The following GRIN2B variants were observed in gnomAD, a reference collection of about 807,000 sequenced individuals.
GRIN2B encodes glutamate ionotropic receptor NMDA type subunit 2B.
In GRIN2B, 5 loss-of-function variants were observed where a neutral mutation model predicts 114.5. The observed-to-expected ratio is 0.04, with a 90% CI of 0.02 to 0.09. The LOEUF is 0.09. Ranked by LOEUF, GRIN2B falls within the 10% of genes least tolerant of loss-of-function variation. GRIN2B has a pLI of 1.00. For missense variants in GRIN2B, 1,108 were observed against 1,943.5 expected, an observed-to-expected ratio of 0.57 and a Z score of 8.08; for synonymous variants, 787 against 745.1, an observed-to-expected ratio of 1.06 and a Z score of -0.92.
intron 4 of GRIN2B, among the ~76,000 whole-genome samples, chr12:13,685,267 A>C (rs185106208): frequency 1.2e-3 from 183 of 152,294 alleles, no homozygotes; most frequent in African/African-American, 4.1e-3. Context: ...TTCCTGCCCC[A>C]TCTGTAGCTA....
At chr12:13,831,114 C>A (rs951016711) in intron 3 of GRIN2B, among the ~76,000 whole-genome samples, 5 of 152,294 alleles carry the variant, frequency 3.3e-5, no homozygotes, top group Admixed American at 3.3e-4. Flanking sequence ...CGCTCTCCCA[C>A]CTCGTGGTCT....
chr12:13,894,682 T>C (rs1866326405), intron 2 of GRIN2B, among the ~76,000 whole-genome samples: 1 of 152,164 alleles, frequency 6.6e-6, no homozygotes, highest in South Asian at 2.1e-4. Context: ...TGTTAAACAT[T>C]GCTTAAGTAT....
intron 3 of GRIN2B, among the ~76,000 whole-genome samples, chr12:13,844,262 C>T (rs1228823013): frequency 2.0e-5 from 3 of 152,140 alleles, no homozygotes; most frequent in Non-Finnish European, 4.4e-5. Flanking sequence ...GAGGTTTAAT[C>T]CTTCTCCTTA....
intron 4 of GRIN2B, among the ~76,000 whole-genome samples, chr12:13,676,539 G>A (rs745388399): frequency 5.3e-5 from 8 of 152,052 alleles, no homozygotes; most frequent in Non-Finnish European, 1.0e-4. Context: ...TTACCATGCG[G>A]CCTGGTGCAT....
chr12:13,715,916 T>C (rs961612761), intron 4 of GRIN2B, among the ~76,000 whole-genome samples: 1 of 151,968 alleles, frequency 6.6e-6, no homozygotes, highest in Admixed American at 6.6e-5. Flanking sequence ...TTTATCTCTA[T>C]GGGATGTGGT....
rs1241649965 is a variant in GRIN2B at position 13,541,506 on chromosome 12, G to T, written c.*21277C>A. ...AGAGGTCATGACAAAACCATCCCTG[G>T]CTTCCTTTGCTTCCCTCTTCCTTCC... On this transcript the variant is annotated 3_prime_UTR_variant, in exon 14 of 14. Coordinates refer to ENST00000609686, the MANE Select transcript of GRIN2B (RefSeq NM_000834.5). 1 of 152,194 alleles carries T rather than the reference G, an allele frequency of 6.6e-6. No homozygotes were observed. Among genetic ancestry groups the T allele is most frequent in the Non-Finnish European group, 1.5e-5 (1 of 68,066 alleles). The allele number at this position is 152,194 out of a possible 1,614,324, so 9.4% of individuals were successfully genotyped here. A position where few individuals can be genotyped will look rare whatever the true frequency, so the allele number is the denominator to read the frequency against.
At chr12:13,903,122 C>A (rs906396518) in intron 2 of GRIN2B, among the ~76,000 whole-genome samples, 1 of 151,468 alleles carries the variant, frequency 6.6e-6, no homozygotes, top group African/African-American at 2.4e-5. Flanking sequence ...CCATTTGTAC[C>A]TTATATTATT....
chr12:13,675,917 G>A, intron 4 of GRIN2B, 58 bp from the exon 5 acceptor site: 1 of 945,732 alleles, frequency 1.1e-6, no homozygotes, highest in Non-Finnish European at 1.7e-6. Context: ...CCATGAACAA[G>A]GCAGTCAGGT....
intron 10 of GRIN2B, among the ~76,000 whole-genome samples, chr12:13,575,763 G>C (rs1948768518): frequency 1.3e-5 from 2 of 152,038 alleles, no homozygotes; most frequent in Admixed American, 1.3e-4. Context: ...TGGAGGCAGA[G>C]AATTTGGATT....
chr12:13,815,559 T>A (rs1410017757), intron 3 of GRIN2B, among the ~76,000 whole-genome samples: 1 of 152,090 alleles, frequency 6.6e-6, no homozygotes, highest in Non-Finnish European at 1.5e-5. Flanking sequence ...TAGAAAAACT[T>A]GAAGAGACTA....
At chr12:13,976,501 C>T (rs943034493) in intron 2 of GRIN2B, among the ~76,000 whole-genome samples, 5 of 152,074 alleles carry the variant, frequency 3.3e-5, no homozygotes, top group African/African-American at 1.2e-4. Flanking sequence ...TTTTGTCGGC[C>T]CCAGTCTTCA....
At chr12:13,749,001 G>A (rs138417755) in intron 4 of GRIN2B, among the ~76,000 whole-genome samples, 12 of 152,128 alleles carry the variant, frequency 7.9e-5, no homozygotes, top group African/African-American at 2.7e-4. Flanking sequence ...CCTCCTCCAG[G>A]CAACCCAGAA....
chr12:13,905,501 T>C (rs1010108555), intron 2 of GRIN2B, among the ~76,000 whole-genome samples: 2 of 152,252 alleles, frequency 1.3e-5, no homozygotes, highest in Non-Finnish European at 2.9e-5. Context: ...TTTCATACTA[T>C]ATGCCAATAA....
At chr12:13,873,607 C>T (rs1865947190) in intron 2 of GRIN2B, among the ~76,000 whole-genome samples, 1 of 152,188 alleles carries the variant, frequency 6.6e-6, no homozygotes, top group South Asian at 2.1e-4. Context: ...CTTTTGAGCT[C>T]CCTTGCCCTG....
intron 2 of GRIN2B, among the ~76,000 whole-genome samples, chr12:13,899,632 A>C (rs1397511441): frequency 6.9e-6 from 1 of 144,092 alleles, no homozygotes; most frequent in Non-Finnish European, 1.6e-5. Context: ...ATTTAAACCA[A>C]ATAATTCATT....
At chr12:13,842,917 C>CTTTTTTTTTTTTTTTTTTT (rs201344138) in intron 3 of GRIN2B, among the ~76,000 whole-genome samples, 1 of 103,220 alleles carries the variant, frequency 9.7e-6, no homozygotes, top group African/African-American at 3.5e-5. Context: ...ATTGGTTTTT[C>CTTTTTTTTTTTTTTTTTTT]TTTTTTTTTT....
intron 3 of GRIN2B, among the ~76,000 whole-genome samples, chr12:13,780,456 C>T (rs1864087743): frequency 6.6e-6 from 1 of 152,160 alleles, no homozygotes; most frequent in East Asian, 1.9e-4. Context: ...ATATCCATTC[C>T]CAACCATGGC....
chr12:13,643,368 A>T (rs1949737477), intron 5 of GRIN2B, among the ~76,000 whole-genome samples: 1 of 152,184 alleles, frequency 6.6e-6, no homozygotes, highest in Non-Finnish European at 1.5e-5. Flanking sequence ...GTACAATAGC[A>T]TTATGTCTAA....
At chr12:13,903,584 C>A (rs1866492189) in intron 2 of GRIN2B, among the ~76,000 whole-genome samples, 1 of 152,006 alleles carries the variant, frequency 6.6e-6, no homozygotes, top group South Asian at 2.1e-4. Context: ...GTCTTCCTGG[C>A]CTTAATTTCA....
Sources: gnomAD v4.1 joint callset for allele counts (sites outside exome capture counted in the v4.1 genomes callset) on GRCh38, gnomAD v4.1.1 for gene constraint, MANE v1.5 for transcripts, NCBI Gene and HGNC (gene_info 2026-07-23, HGNC 2026-07-21) for gene names.